TRIO: variants seen among roughly 807,000 people sequenced by gnomAD.
The protein encoded by TRIO is trio Rho guanine nucleotide exchange factor.
Under a neutral mutation model 351.9 loss-of-function variants are expected in TRIO, and 58 were observed. The ratio of observed to expected loss-of-function variants is 0.16; its 90% CI spans 0.13 to 0.21. The LOEUF (loss-of-function observed/expected upper bound fraction) is 0.21. Among genes scored for constraint, TRIO ranks in the 10% least tolerant of loss-of-function variants. The probability of loss-of-function intolerance (pLI) is 1.00; values close to 1 mark genes in which losing one functional copy is unlikely to be tolerated. For missense variants in TRIO, 3,201 were observed against 4,027.8 expected (o/e 0.79, Z 5.56); for synonymous variants, 1,758 against 1,595.7 (o/e 1.10, Z -2.42).
chr5:14,297,334 T>C (rs1737450752), intron 7 of TRIO, 71 bp downstream of exon 7: 15 of 1,509,806 alleles, frequency 9.9e-6, no homozygotes, highest in Middle Eastern at 2.2e-4. Flanking sequence ...TATTGGTGTG[T>C]GTGCAAACAC....
chr5:14,461,744 A>C (rs1056337205), intron 35 of TRIO, among the ~76,000 whole-genome samples: 2 of 152,224 alleles, frequency 1.3e-5, no homozygotes, highest in African/African-American at 4.8e-5. Flanking sequence ...AGAAAGCTCA[A>C]ATTGGAAATT....
intron 1 of TRIO, among the ~76,000 whole-genome samples, chr5:14,243,028 C>A (rs1794223301): frequency 6.6e-6 from 1 of 152,230 alleles, no homozygotes; most frequent in Admixed American, 6.5e-5. Flanking sequence ...TCTTCTCTCA[C>A]AGCCACATCT....
At chr5:14,168,925 G>T in intron 1 of TRIO, among the ~76,000 whole-genome samples, 1 of 152,244 alleles carries the variant, frequency 6.6e-6, no homozygotes, top group African/African-American at 2.4e-5. Context: ...CGTAGTCTTT[G>T]TCCACGGGTT....
chr5:14,149,839 T>C (rs1272711283), intron 1 of TRIO, among the ~76,000 whole-genome samples: 1 of 152,270 alleles, frequency 6.6e-6, no homozygotes, highest in Non-Finnish European at 1.5e-5. Context: ...AAAGCTTTCA[T>C]GAAAACTTAC....
At chr5:14,170,711 G>A (rs1789048713) in intron 1 of TRIO, among the ~76,000 whole-genome samples, 1 of 152,012 alleles carries the variant, frequency 6.6e-6, no homozygotes, top group South Asian at 2.1e-4. Flanking sequence ...TCACCATGTT[G>A]GCCAGCGTGG....
chr5:14,231,465 C>T (rs566434002), intron 1 of TRIO, among the ~76,000 whole-genome samples: 2 of 152,188 alleles, frequency 1.3e-5, no homozygotes, highest in South Asian at 4.2e-4. Context: ...ATTATTGGAC[C>T]CTCCAGGCTG....
At chr5:14,252,480 T>TG (rs1319507199) in intron 1 of TRIO, among the ~76,000 whole-genome samples, 1 of 152,182 alleles carries the variant, frequency 6.6e-6, no homozygotes, top group African/African-American at 2.4e-5. Context: ...CAGGTTGAAC[T>TG]CACATTCTAC....
intron 34 of TRIO, among the ~76,000 whole-genome samples, chr5:14,426,474 C>T (rs149862425): frequency 9.2e-5 from 14 of 152,316 alleles, no homozygotes; most frequent in Non-Finnish European, 2.1e-4. Flanking sequence ...CCCATCAGGT[C>T]AGCTGAAAAG....
intron 31 of TRIO, 25 bp downstream of exon 31, chr5:14,401,089 G>A (rs1748031278): frequency 1.9e-6 from 3 of 1,594,968 alleles, no homozygotes; most frequent in Admixed American, 1.7e-5. Flanking sequence ...AGCTGGGAAT[G>A]TGCTGTTTGA....
intron 1 of TRIO, among the ~76,000 whole-genome samples, chr5:14,264,427 C>T (rs1795530450): frequency 1.3e-5 from 2 of 152,020 alleles, no homozygotes; most frequent in Admixed American, 1.3e-4. Context: ...ATTATGAAAC[C>T]CGTCCATATT....
chr5:14,481,337 A>G (rs1053171215), intron 44 of TRIO, 53 bp downstream of exon 44: 7 of 1,603,926 alleles, frequency 4.4e-6, no homozygotes, highest in Middle Eastern at 1.7e-4. Flanking sequence ...CTCTTTTCCT[A>G]ATCCCCAAGT....
intron 28 of TRIO, among the ~76,000 whole-genome samples, chr5:14,395,104 A>G (rs568480713): frequency 2.6e-5 from 4 of 152,350 alleles, no homozygotes; most frequent in African/African-American, 4.8e-5. Flanking sequence ...TGGAGTTACA[A>G]ATGCTGGAAC....
At chr5:14,419,724 A>G (rs1474106587) in intron 33 of TRIO, 54 bp from the exon 34 acceptor site, 6 of 1,594,598 alleles carry the variant, frequency 3.8e-6, no homozygotes, top group Non-Finnish European at 5.1e-6. Context: ...CTGTACCTGA[A>G]GGCACCATGG....
chr5:14,398,863 C>G lies in TRIO; in HGVS notation c.4424-17C>G. On this transcript the variant is annotated splice_polypyrimidine_tract_variant and intron_variant, in intron 29 of 56. Transcript: ENST00000344204. ...TTTTCTTTTAAATTGATTTGCCTCC[C>G]TTTTTTCATGTTGTAGGGTTTGATG... 1 of 1,577,296 alleles carries G rather than the reference C, an allele frequency of 6.3e-7. No homozygotes were observed. Among genetic ancestry groups the G allele is most frequent in the African/African-American group, 1.4e-5 (1 of 72,874 alleles).
rs575017203 is a variant in TRIO at position 14,370,103 on chromosome 5, T to TTTTC, written c.3216+600_3216+603dup. 1.1e-3 allele frequency among the ~76,000 whole-genome samples: 169 copies of TTTTC among 151,832 alleles called. 3 individuals are homozygous for TTTTC. The highest frequency in any genetic ancestry group is 3.0e-3 in the African/African-American group (123 of 41,258). On this transcript the variant is annotated intron_variant, in intron 18 of 56. Transcript: ENST00000344204. The stretch of plus-strand genomic sequence containing the variant: ...AGGAATTTTTCAAGACTGCTTTTTC[T>TTTTC]TTTCTTTCTTTCTTTCTTTCTTTTT...
At chr5:14,498,668 G>A (rs775808024) in intron 53 of TRIO, 28 bp downstream of exon 53, 3 of 1,604,992 alleles carry the variant, frequency 1.9e-6, no homozygotes, top group African/African-American at 1.3e-5. Flanking sequence ...AGGATTCTAC[G>A]TGACCCAGTG....
In TRIO at chr5:14,290,952, A is replaced by G. The variant is rs1415644561; in HGVS notation, c.777A>G (p.Glu259=). The G allele has an allele frequency of 1.2e-6, 2 of 1,614,212 alleles. No homozygotes were observed. The highest frequency in any genetic ancestry group is 1.7e-6 in the Non-Finnish European group (2 of 1,180,038). The change falls in exon 5 of 57, where the codon GAA becomes GAG. Residue 259 remains glutamate, a synonymous_variant. Transcript: ENST00000344204. ...AGGGGGCTCGGAATATGATCGAGGA[A>G]CATTCTCAGCTGAAGAAGAAGGTGA... ...DLEGARNMIE[E]HSQLKKKVIK... is the part of the protein sequence containing the mutation.
intron 1 of TRIO, among the ~76,000 whole-genome samples, chr5:14,215,043 T>C (rs1374726039): frequency 6.6e-6 from 1 of 152,210 alleles, no homozygotes; most frequent in African/African-American, 2.4e-5. Flanking sequence ...GTTTACCATG[T>C]GTAATTTAAA....
chr5:14,154,266 C>A (rs1787982732), intron 1 of TRIO, among the ~76,000 whole-genome samples: 1 of 152,070 alleles, frequency 6.6e-6, no homozygotes, highest in South Asian at 2.1e-4. Flanking sequence ...GGGAGGTTTC[C>A]CAGCCCTTGC....
Sources: gnomAD v4.1 joint callset for allele counts (sites outside exome capture counted in the v4.1 genomes callset) on GRCh38, gnomAD v4.1.1 for gene constraint, MANE v1.5 for transcripts, NCBI Gene and HGNC (gene_info 2026-07-23, HGNC 2026-07-21) for gene names.